UNC13B: variants seen among roughly 807,000 people sequenced by gnomAD.
The protein encoded by UNC13B is unc-13 homolog B, also known as protein unc-13 homolog B.
A neutral mutation model predicts 211.0 loss-of-function variants in UNC13B; 144 were observed. That is an observed-to-expected ratio of 0.68 (90% CI 0.60 to 0.78). The LOEUF (loss-of-function observed/expected upper bound fraction) is 0.78, where lower values mean the gene tolerates loss of function less well. Ranked by LOEUF, UNC13B falls within the 30% of genes least tolerant of loss-of-function variation. The pLI is 0.00. For missense variants in UNC13B, 1,777 were observed against 2,002.0 expected (o/e 0.89, Z 2.14); for synonymous variants, 709 against 725.8 (o/e 0.98, Z 0.37).
At chr9:35,341,950 G>T in intron 11 of UNC13B, 1 of 985,602 alleles carries the variant, frequency 1.0e-6, no homozygotes, top group South Asian at 4.7e-5. Context: ...TTGAAGTTTG[G>T]CTGCTGTTGC....
At chr9:35,257,352 TATTTATATAA>T in intron 6 of UNC13B, among the ~76,000 whole-genome samples, 1 of 17,366 alleles carries the variant, frequency 5.8e-5, no homozygotes, top group South Asian at 4.4e-3. Context: ...TTTATAAAAA[TATTTATATAA>T]ATATTTATAA....
intron 11 of UNC13B, among the ~76,000 whole-genome samples, chr9:35,333,234 C>T (rs1316485416): frequency 6.6e-6 from 1 of 152,124 alleles, no homozygotes; most frequent in Non-Finnish European, 1.5e-5. Flanking sequence ...ACCCACTAAA[C>T]TCTTTGCAGA....
chr9:35,203,292 T>C (rs1214324721), intron 1 of UNC13B, among the ~76,000 whole-genome samples: 1 of 152,336 alleles, frequency 6.6e-6, no homozygotes, highest in African/African-American at 2.4e-5. Flanking sequence ...CAGTGGCTGG[T>C]ACTGGTTGTT....
intron 11 of UNC13B, among the ~76,000 whole-genome samples, chr9:35,318,158 T>C (rs1830560707): frequency 6.6e-6 from 1 of 152,156 alleles, no homozygotes. Context: ...AAGAACTTAA[T>C]TGAATAAGAG....
chr9:35,313,884 T>C lies in UNC13B; in HGVS notation c.9324-15T>C. ...TTGGCTATTTTTAAGAAATGTACTT[T>C]TTCTCTGTTACAAGTTTTCCTGAGG... is the stretch of plus-strand genomic sequence containing the variant. On this transcript the variant is annotated splice_polypyrimidine_tract_variant and intron_variant, in intron 10 of 39. Coordinates refer to ENST00000635942, the MANE Select transcript of UNC13B (RefSeq NM_001371189.2). The C allele has an allele frequency of 1.9e-6, 3 of 1,606,018 alleles. No individual in the cohort carries two copies. The highest frequency in any genetic ancestry group is 1.7e-6 in the Non-Finnish European group (2 of 1,172,824).
chr9:35,330,397 G>C (rs894652603), intron 11 of UNC13B, among the ~76,000 whole-genome samples: 2 of 152,146 alleles, frequency 1.3e-5, no homozygotes, highest in African/African-American at 4.8e-5. Context: ...TGACACTGCT[G>C]TTTTTTTGGC....
At chr9:35,327,030 C>T (rs1251680212) in intron 11 of UNC13B, among the ~76,000 whole-genome samples, 2 of 152,082 alleles carry the variant, frequency 1.3e-5, no homozygotes, top group African/African-American at 2.4e-5. Flanking sequence ...TTTTTCAAAC[C>T]TCTTTTGAAT....
intron 11 of UNC13B, among the ~76,000 whole-genome samples, chr9:35,316,798 T>A (rs1414958054): frequency 6.6e-6 from 1 of 152,170 alleles, no homozygotes; most frequent in Non-Finnish European, 1.5e-5. Context: ...TGATATATCA[T>A]TATCTTTTTC....
intron 2 of UNC13B, among the ~76,000 whole-genome samples, chr9:35,229,985 G>A (rs936595531): frequency 1.3e-5 from 2 of 152,066 alleles, no homozygotes; most frequent in Non-Finnish European, 2.9e-5. Flanking sequence ...ACATAGAAAA[G>A]CAAACCCTCA....
At chr9:35,185,808 C>T (rs943509465) in intron 1 of UNC13B, among the ~76,000 whole-genome samples, 1 of 151,220 alleles carries the variant, frequency 6.6e-6, no homozygotes, top group Non-Finnish European at 1.5e-5. Context: ...TTCCCAGATA[C>T]TTGGGAGGCT....
At chr9:35,233,350 C>G (rs554135484) in intron 3 of UNC13B, among the ~76,000 whole-genome samples, 7 of 152,282 alleles carry the variant, frequency 4.6e-5, no homozygotes, top group South Asian at 4.1e-4. Context: ...AGCACTTCCC[C>G]TTTTGACCCT....
intron 7 of UNC13B, among the ~76,000 whole-genome samples, chr9:35,269,042 G>A (rs1827732381): frequency 6.6e-6 from 1 of 152,146 alleles, no homozygotes; most frequent in South Asian, 2.1e-4. Context: ...CATCAACTGA[G>A]TGTCTCATGA....
At chr9:35,175,752 C>T (rs562104028) in intron 1 of UNC13B, among the ~76,000 whole-genome samples, 2 of 151,764 alleles carry the variant, frequency 1.3e-5, no homozygotes, top group Non-Finnish European at 1.5e-5. Flanking sequence ...CGTGGTGGCT[C>T]ACGCCTGTAA....
chr9:35,171,429 TCTCA>T (rs2131260872), intron 1 of UNC13B, among the ~76,000 whole-genome samples: 1 of 152,228 alleles, frequency 6.6e-6, no homozygotes, highest in East Asian at 1.9e-4. Flanking sequence ...AAGAAAGAAG[TCTCA>T]CTCTGTTGCC....
In UNC13B at chr9:35,302,801, G is replaced by A. The variant is rs1587577005; in HGVS notation, c.3397G>A (p.Glu1133Lys). 3 of 398,646 alleles carry A rather than the reference G, an allele frequency of 7.5e-6. No homozygotes were observed. The highest frequency in any genetic ancestry group is 1.3e-5 in the Non-Finnish European group (3 of 225,776). The allele number at this position is 398,646 out of a possible 1,614,324, so 24.7% of individuals were successfully genotyped here. A position where few individuals can be genotyped will look rare whatever the true frequency, so the allele number is the denominator to read the frequency against. Residue 1133 changes from glutamate to lysine, a missense_variant, in exon 9 of 40, where the codon GAG (glutamate) becomes AAG (lysine). Glu to Lys is a moderately conservative substitution (Grantham distance 56). Transcript: ENST00000635942. ...TTTGGTTAATGAAATTAATGAAGAT[G>A]AGGTTATAGATAAGACTTCCAAGAA... ...STLVNEINED[E>K]VIDKTSKKNT...
intron 11 of UNC13B, among the ~76,000 whole-genome samples, chr9:35,316,114 A>G (rs1366681910): frequency 1.3e-5 from 2 of 152,168 alleles, no homozygotes; most frequent in Admixed American, 6.5e-5. Context: ...TTTGTTCCTT[A>G]TCAAATCTCT....
chr9:35,175,866 A>T (rs1356356337), intron 1 of UNC13B, among the ~76,000 whole-genome samples: 1 of 150,862 alleles, frequency 6.6e-6, no homozygotes, highest in African/African-American at 2.4e-5. Flanking sequence ...AAAATATATA[A>T]AAAAAAAAAA....
At position 35,381,587 on chromosome 9, in the gene UNC13B, G is replaced by A. The variant is rs138938539; in HGVS notation, c.10523G>A (p.Gly3508Asp). 5.0e-6 allele frequency: 8 copies of A among 1,614,176 alleles called. No homozygotes were observed. In the African/African-American group the frequency reaches 1.1e-4, roughly 22 times the overall value. ...TTCCATTACCTCACAGACATTCAGGGCAGTGGAGGAGTCCGCATCCCTGAA... is the reference window on the plus strand; with the variant it reads ...TTCCATTACCTCACAGACATTCAGGACAGTGGAGGAGTCCGCATCCCTGAA... ...NLFHYLTDIQ[G>D]SGGVRIPEAR... is the part of the protein sequence containing the mutation. Residue 3508 changes from glycine to aspartate, a missense_variant, in exon 20 of 40, where the codon GGC becomes GAC. Gly to Asp is a moderately conservative substitution (Grantham distance 94). Transcript: ENST00000635942.
At chr9:35,352,290 G>C (rs1368145371) in intron 11 of UNC13B, 2 of 1,232,010 alleles carry the variant, frequency 1.6e-6, no homozygotes, top group African/African-American at 1.6e-5. Context: ...CAGTGCAACA[G>C]GTACATTAAA....
Sources: allele counts gnomAD v4.1 joint callset (sites outside exome capture counted in the v4.1 genomes callset), GRCh38; gene constraint gnomAD v4.1.1; transcripts MANE v1.5; gene names NCBI Gene and HGNC (gene_info 2026-07-23, HGNC 2026-07-21).